TDRD12: variants seen among roughly 807,000 people sequenced by gnomAD.
The protein encoded by TDRD12 is putative ATP-dependent RNA helicase TDRD12.
Under a neutral mutation model 133.5 loss-of-function variants are expected in TDRD12, and 158 were observed. That is an observed-to-expected ratio of 1.18 (90% CI 1.04 to 1.35). The LOEUF (loss-of-function observed/expected upper bound fraction) is 1.35, where lower values mean the gene tolerates loss of function less well. Ranked by LOEUF, TDRD12 falls within the 40% of genes most tolerant of loss-of-function variation. TDRD12 has a pLI of 0.00. For synonymous variants in TDRD12, 460 were observed against 477.9 expected, an observed-to-expected ratio of 0.96 and a Z score of 0.49; for missense variants, 1,443 against 1,321.3, an observed-to-expected ratio of 1.09 and a Z score of -1.43.
Position 32,760,248 on chromosome 19 carries a change from T to G in TDRD12, c.865+3118T>G, listed in dbSNP as rs140176101. Among the ~76,000 whole-genome samples the G allele has an allele frequency of 4.7e-3, 720 of 152,294 alleles. 5 individuals are homozygous for G. Among genetic ancestry groups the G allele is most frequent in the African/African-American group, 0.013 (561 of 41,568 alleles). Reference sequence around the variant, plus strand: ...TGCTTATCTTTGAAAAGGAAAAGGTTATGGTGAACAATAACAAAAAAGATA... The same window carrying G: ...TGCTTATCTTTGAAAAGGAAAAGGTGATGGTGAACAATAACAAAAAAGATA... On this transcript the variant is annotated intron_variant, in intron 8 of 27. Coordinates refer to ENST00000444215, the Ensembl canonical transcript of TDRD12.
intron 4 of TDRD12, among the ~76,000 whole-genome samples, chr19:32,745,514 A>G (rs781037840): frequency 2.0e-5 from 3 of 152,178 alleles, no homozygotes; most frequent in Non-Finnish European, 2.9e-5. Context: ...ACAATATTGA[A>G]TATCGTTAGA....
chr19:32,750,626 G>A (rs1043815852), intron 6 of TDRD12, among the ~76,000 whole-genome samples: 4 of 152,020 alleles, frequency 2.6e-5, no homozygotes, highest in African/African-American at 7.2e-5. Flanking sequence ...ACAGTTTCCC[G>A]GCTGATTTCC....
chr19:32,807,023 G>T lies in TDRD12; in HGVS notation c.2553-526G>T, dbSNP rs1242986978. Among the ~76,000 whole-genome samples the T allele has an allele frequency of 3.3e-5, 5 of 152,146 alleles. 2 individuals are homozygous for T. The South Asian group carries it at 1.0e-3, about 31-fold the overall frequency. On this transcript the variant is annotated intron_variant, in intron 21 of 27. Coordinates refer to ENST00000444215, the Ensembl canonical transcript of TDRD12. ...TTCTCAACGTGGAAGCAGCATTGTAGTTAAGGAACGGCTTCTGGGTTAGAG... is the reference window on the plus strand; with the variant it reads ...TTCTCAACGTGGAAGCAGCATTGTATTTAAGGAACGGCTTCTGGGTTAGAG...
rs560725581 is a variant in TDRD12 at position 32,735,295 on chromosome 19, A to G, written c.183+3412A>G. 6.2e-4 allele frequency among the ~76,000 whole-genome samples: 94 copies of G among 152,348 alleles called. 1 individual carries two copies. Among genetic ancestry groups the G allele is most frequent in the African/African-American group, 1.9e-3 (80 of 41,578 alleles). On this transcript the variant is annotated intron_variant, in intron 2 of 27. Transcript: ENST00000444215. ...AAATGAAAAAAAAAATGAAAAAAGA[A>G]GCAGCCTTATTGGTAATATGGAGAA...
exon 13 of TDRD12, chr19:32,791,030 A>C (rs926366677): frequency 3.9e-6 from 6 of 1,536,276 alleles, no homozygotes; most frequent in Non-Finnish European, 5.2e-6. Context: ...GCCCTGCTTA[A>C]CCATTGACTC....
At chr19:32,779,657 G>C (rs1970705088) in intron 11 of TDRD12, among the ~76,000 whole-genome samples, 1 of 152,130 alleles carries the variant, frequency 6.6e-6, no homozygotes, top group Admixed American at 6.5e-5. Flanking sequence ...AGCCTGGATT[G>C]GGCTGAGATC....
downstream of TDRD12, among the ~76,000 whole-genome samples, chr19:32,822,330 G>C (rs1475953159): frequency 6.6e-6 from 1 of 152,182 alleles, no homozygotes; most frequent in East Asian, 1.9e-4. Context: ...TACTTGGGAG[G>C]CTGAGGCAAT....
intron 1 of TDRD12, among the ~76,000 whole-genome samples, chr19:32,730,588 C>G (rs1480192962): frequency 6.6e-6 from 1 of 152,080 alleles, no homozygotes; most frequent in South Asian, 2.1e-4. Flanking sequence ...TAAAAATGTT[C>G]AAACCTTCAG....
At chr19:32,812,166 C>T (rs990598161) in intron 24 of TDRD12, among the ~76,000 whole-genome samples, 5 of 152,104 alleles carry the variant, frequency 3.3e-5, no homozygotes, top group African/African-American at 1.2e-4. Flanking sequence ...CTCACGTGGC[C>T]ATCCAGCTGG....
chr19:32,809,139 T>A (rs759703679), intron 22 of TDRD12, among the ~76,000 whole-genome samples: 4 of 152,180 alleles, frequency 2.6e-5, no homozygotes, highest in Non-Finnish European at 5.9e-5. Flanking sequence ...ATGAATATGG[T>A]GACATAGTGT....
chr19:32,777,044 A>T, intron 10 of TDRD12, 105 bp from the exon 11 acceptor site: 1 of 727,930 alleles, frequency 1.4e-6, no homozygotes, highest in Non-Finnish European at 2.2e-6. Flanking sequence ...GCACACCACC[A>T]TGCCCGGCAT....
chr19:32,731,889 T>A lies in TDRD12; in HGVS notation c.183+6T>A. 1 of 1,531,364 alleles carries A rather than the reference T, an allele frequency of 6.5e-7. No homozygotes were observed. The highest frequency in any genetic ancestry group is 1.7e-4 in the Middle Eastern group (1 of 5,854). The allele number at this position is 1,531,364 out of a possible 1,614,324, so 94.9% of individuals were successfully genotyped here. A position where few individuals can be genotyped will look rare whatever the true frequency, so the allele number is the denominator to read the frequency against. ...TAACATTGGAAGAAGGACAGGTATG[T>A]ATCTAAATGTTCTTTAATCACTGTG... On this transcript the variant is annotated splice_donor_region_variant and intron_variant, in intron 2 of 27. Coordinates refer to ENST00000444215, the Ensembl canonical transcript of TDRD12.
At chr19:32,765,778 T>C (rs992284106) in intron 8 of TDRD12, among the ~76,000 whole-genome samples, 18 of 151,740 alleles carry the variant, frequency 1.2e-4, no homozygotes, top group African/African-American at 3.9e-4. Flanking sequence ...TTAGGAGATA[T>C]ACCTAATGTT....
rs751938374 is a variant in TDRD12 at position 32,794,092 on chromosome 19, C to CTTT, written c.1288-507_1288-505dup. 7.6e-4 allele frequency among the ~76,000 whole-genome samples: 38 copies of CTTT among 49,858 alleles called. 8 individuals carry two copies. The highest frequency in any genetic ancestry group is 3.4e-3 in the South Asian group (4 of 1,172). 32.7% of individuals were successfully genotyped at this position (49,858 alleles called of 152,430 possible). A position where few individuals can be genotyped will look rare whatever the true frequency, so the allele number is the denominator to read the frequency against. ...TACAGACATGAGCCACTGTGCCTGG[C>CTTT]TTTTTTTTTTTTTTTTTTTTTTTTT... On this transcript the variant is annotated intron_variant, in intron 13 of 27. Coordinates refer to ENST00000444215, the Ensembl canonical transcript of TDRD12.
At chr19:32,777,352 A>C in intron 11 of TDRD12, 123 bp downstream of exon 11, 1 of 663,960 alleles carries the variant, frequency 1.5e-6, no homozygotes, top group Non-Finnish European at 2.4e-6. Flanking sequence ...AAATAAATGT[A>C]CAGTATATCT....
chr19:32,804,521 G>A (rs1412689340), intron 21 of TDRD12, among the ~76,000 whole-genome samples: 14 of 151,046 alleles, frequency 9.3e-5, no homozygotes, highest in African/African-American at 2.2e-4. Flanking sequence ...GTGAAACCCC[G>A]TCTCTACTAA....
intron 21 of TDRD12, among the ~76,000 whole-genome samples, chr19:32,803,915 C>G (rs921700649): frequency 6.6e-6 from 1 of 151,956 alleles, no homozygotes; most frequent in African/African-American, 2.4e-5. Flanking sequence ...GAGTGTTTAT[C>G]TTTTTCTTCT....
chr19:32,764,950 C>T (rs911489568), intron 8 of TDRD12, among the ~76,000 whole-genome samples: 3 of 152,108 alleles, frequency 2.0e-5, no homozygotes, highest in African/African-American at 7.2e-5. Context: ...AGTGAACAGG[C>T]AACCTACAGA....
chr19:32,782,474 A>G (rs752926190), intron 11 of TDRD12, among the ~76,000 whole-genome samples: 3 of 152,206 alleles, frequency 2.0e-5, no homozygotes, highest in African/African-American at 4.8e-5. Context: ...TCCTTTGGGT[A>G]TATGCCAAGT....
Sources: gnomAD v4.1 joint callset for allele counts (sites outside exome capture counted in the v4.1 genomes callset) on GRCh38, gnomAD v4.1.1 for gene constraint, MANE v1.5 for transcripts, NCBI Gene and HGNC (gene_info 2026-07-23, HGNC 2026-07-21) for gene names.